CREB5: variants seen among roughly 807,000 people sequenced by gnomAD.
The protein encoded by CREB5 is cyclic AMP-responsive element-binding protein 5.
Under a neutral mutation model 57.1 loss-of-function variants are expected in CREB5, and 19 were observed. The ratio of observed to expected loss-of-function variants is 0.33; its 90% CI spans 0.23 to 0.49. The LOEUF is 0.49. CREB5 is among the 20% of genes least tolerant of loss of function. CREB5 has a pLI of 0.99. For synonymous variants in CREB5, 238 were observed against 238.3 expected, an observed-to-expected ratio of 1.00 and a Z score of 0.01; for missense variants, 579 against 671.6, an observed-to-expected ratio of 0.86 and a Z score of 1.52.
chr7:28,516,722 G>A (rs1250803443), intron 4 of CREB5, among the ~76,000 whole-genome samples: 1 of 152,204 alleles, frequency 6.6e-6, no homozygotes, highest in Non-Finnish European at 1.5e-5. Flanking sequence ...TTTCTCATCA[G>A]GGTGATTGTT....
intron 1 of CREB5, among the ~76,000 whole-genome samples, chr7:28,395,942 A>G (rs1003896220): frequency 2.0e-5 from 3 of 152,194 alleles, no homozygotes; most frequent in African/African-American, 7.2e-5. Context: ...TTCAACGCCA[A>G]CTGCAGAAAG....
chr7:28,344,301 A>G (rs1425529524), intron 1 of CREB5, among the ~76,000 whole-genome samples: 2 of 152,118 alleles, frequency 1.3e-5, no homozygotes, highest in Non-Finnish European at 2.9e-5. Flanking sequence ...TTAACACTTT[A>G]ATCCATTTTG....
chr7:28,647,266 T>C (rs781159082), intron 5 of CREB5, among the ~76,000 whole-genome samples: 3 of 151,590 alleles, frequency 2.0e-5, no homozygotes, highest in Non-Finnish European at 2.9e-5. Flanking sequence ...AAGGGCTCAG[T>C]CTTCCCTTTC....
chr7:28,603,754 G>T (rs1797013101), intron 5 of CREB5, among the ~76,000 whole-genome samples: 1 of 152,192 alleles, frequency 6.6e-6, no homozygotes, highest in Admixed American at 6.5e-5. Flanking sequence ...TAGTCCGTTA[G>T]TTGGTTGGTA....
chr7:28,513,828 T>G (rs1792818632), intron 4 of CREB5: 3 of 152,232 alleles, frequency 2.0e-5, no homozygotes, highest in Non-Finnish European at 4.4e-5. Flanking sequence ...CTTCCACATA[T>G]GTGAATGAAT....
intron 4 of CREB5, among the ~76,000 whole-genome samples, chr7:28,522,811 C>A (rs1244517721): frequency 6.6e-6 from 1 of 152,200 alleles, no homozygotes; most frequent in African/African-American, 2.4e-5. Context: ...GCCCTGAAAC[C>A]TAGCAATGAA....
At chr7:28,766,980 C>T (rs897209239) in intron 7 of CREB5, among the ~76,000 whole-genome samples, 16 of 152,178 alleles carry the variant, frequency 1.1e-4, no homozygotes, top group South Asian at 2.1e-4. Context: ...CAGAATTGGA[C>T]GCTAAACATT....
At chr7:28,696,796 ATACGTATATATACACATACGTATACG>A (rs1801591881) in intron 5 of CREB5, among the ~76,000 whole-genome samples, 4 of 148,548 alleles carry the variant, frequency 2.7e-5, no homozygotes, top group African/African-American at 1.0e-4. Context: ...ACGTATACGT[ATACGTATATATACACATACGTATACG>A]TATACATACA....
intron 4 of CREB5, among the ~76,000 whole-genome samples, chr7:28,520,014 TG>T (rs1793139197): frequency 6.6e-6 from 1 of 152,170 alleles, no homozygotes; most frequent in Non-Finnish European, 1.5e-5. Flanking sequence ...GCACATGAGT[TG>T]GTGTTAGAAG....
In CREB5 at chr7:28,717,086, C is replaced by CTTT. The variant is rs5883165; in HGVS notation, c.465-1650_465-1648dup. The stretch of plus-strand genomic sequence containing the variant: ...AATCTCTGCGGAAAGGCTTTATATT[C>CTTT]TTTTTTTTTTTTTTTTTTTGAGATG... On this transcript the variant is annotated intron_variant, in intron 5 of 10. Coordinates refer to ENST00000357727, the MANE Select transcript of CREB5 (RefSeq NM_182898.4). 2.8e-3 allele frequency among the ~76,000 whole-genome samples: 307 copies of CTTT among 110,198 alleles called. 13 individuals carry two copies. Among genetic ancestry groups the CTTT allele is most frequent in the South Asian group, 0.016 (53 of 3,258 alleles). The allele number at this position is 110,198 out of a possible 152,430, so 72.3% of individuals were successfully genotyped here.
At chr7:28,514,353 TATTA>T (rs968540366) in intron 4 of CREB5, among the ~76,000 whole-genome samples, 7 of 152,134 alleles carry the variant, frequency 4.6e-5, no homozygotes, top group African/African-American at 1.2e-4. Flanking sequence ...CTGAGTTCAG[TATTA>T]ATTATTTAAA....
In CREB5 at chr7:28,373,429, T is replaced by C. The variant is rs139610723; in HGVS notation, c.-25+73988T>C. ...ATGTGGTCTTTAATTTTCTTCTTTT[T>C]CTTTTTTTCTTTTTTCTTTTTTTTT... On this transcript the variant is annotated intron_variant, in intron 1 of 9. Coordinates refer to the CREB5 transcript ENST00000396299. 7.1e-3 allele frequency among the ~76,000 whole-genome samples: 931 copies of C among 131,080 alleles called. 11 individuals carry two copies. Among genetic ancestry groups the C allele is most frequent in the African/African-American group, 0.025 (876 of 34,366 alleles). The allele number at this position is 131,080 out of a possible 152,430, so 86.0% of individuals were successfully genotyped here.
At chr7:28,720,354 G>A (rs1802957085) in intron 6 of CREB5, among the ~76,000 whole-genome samples, 1 of 152,184 alleles carries the variant, frequency 6.6e-6, no homozygotes, top group Non-Finnish European at 1.5e-5. Flanking sequence ...CAGCAATCCT[G>A]TGGGGATACA....
intron 5 of CREB5, among the ~76,000 whole-genome samples, chr7:28,643,751 T>TC (rs5883161): frequency 0.14 from 18,658 of 133,524 alleles, 1,587 homozygotes; most frequent in East Asian, 0.42. Flanking sequence ...GTTTGGGAGG[T>TC]GGGGGGGGGC....
At chr7:28,708,613 C>A (rs1802247047) in intron 5 of CREB5, among the ~76,000 whole-genome samples, 1 of 152,192 alleles carries the variant, frequency 6.6e-6, no homozygotes, top group Non-Finnish European at 1.5e-5. Context: ...TATAAGAGTT[C>A]TGTTTTCATG....
At chr7:28,463,713 A>G (rs1443966659) in intron 1 of CREB5, among the ~76,000 whole-genome samples, 3 of 152,002 alleles carry the variant, frequency 2.0e-5, no homozygotes, top group African/African-American at 7.2e-5. Context: ...TCATTTTCTG[A>G]TTGCTCATTG....
intron 1 of CREB5, among the ~76,000 whole-genome samples, chr7:28,404,274 G>A (rs1787532799): frequency 6.6e-6 from 1 of 152,138 alleles, no homozygotes; most frequent in East Asian, 1.9e-4. Context: ...CCTAATGCAG[G>A]TAAGATAGGG....
At chr7:28,615,557 C>T (rs1797566184) in intron 5 of CREB5, 1 of 152,366 alleles carries the variant, frequency 6.6e-6, no homozygotes, top group Non-Finnish European at 1.5e-5. Flanking sequence ...GCTATGCAGT[C>T]TCTGAGTGTA....
At chr7:28,785,540 G>C (rs1237388570) in intron 7 of CREB5, among the ~76,000 whole-genome samples, 1 of 152,218 alleles carries the variant, frequency 6.6e-6, no homozygotes, top group Non-Finnish European at 1.5e-5. Flanking sequence ...GGAAAACAGA[G>C]CTCTGGGAAA....
Sources: allele counts gnomAD v4.1 joint callset (sites outside exome capture counted in the v4.1 genomes callset), GRCh38; gene constraint gnomAD v4.1.1; transcripts MANE v1.5; gene names NCBI Gene and HGNC (gene_info 2026-07-23, HGNC 2026-07-21).